The following LRRC28 variants were observed in gnomAD, a reference collection of about 807,000 sequenced individuals.
LRRC28 encodes leucine-rich repeat-containing protein 28.
In LRRC28, 39 loss-of-function variants were observed where a neutral mutation model predicts 45.7. The observed-to-expected ratio is 0.85, with a 90% confidence interval of 0.66 to 1.12. LRRC28 has a LOEUF of 1.12. LRRC28 is among the 50% of genes most tolerant of loss of function. The probability of loss-of-function intolerance (pLI) is 0.00; values close to 1 mark genes in which losing one functional copy is unlikely to be tolerated. For synonymous variants in LRRC28, 206 were observed against 178.8 expected (o/e 1.15, Z -1.22); for missense variants, 435 against 438.5 (o/e 0.99, Z 0.07).
At chr15:99,359,117 G>T (rs1449707385) in intron 7 of LRRC28, among the ~76,000 whole-genome samples, 1 of 151,846 alleles carries the variant, frequency 6.6e-6, no homozygotes, top group East Asian at 1.9e-4. Flanking sequence ...AAACATACTG[G>T]AAGAAACTTT....
chr15:99,278,313 A>G (rs935654017), intron 3 of LRRC28, among the ~76,000 whole-genome samples: 3 of 152,210 alleles, frequency 2.0e-5, no homozygotes, highest in Non-Finnish European at 4.4e-5. Context: ...CAGTGGCACA[A>G]TCTTGGCTCA....
intron 2 of LRRC28, among the ~76,000 whole-genome samples, chr15:99,262,335 A>T (rs2081221236): frequency 6.6e-6 from 1 of 152,102 alleles, no homozygotes; most frequent in Non-Finnish European, 1.5e-5. Flanking sequence ...TAATCCCAGC[A>T]TTTTGGGAGG....
chr15:99,255,593 G>T (rs1482184962), intron 1 of LRRC28, among the ~76,000 whole-genome samples: 1 of 152,052 alleles, frequency 6.6e-6, no homozygotes, highest in East Asian at 1.9e-4. Context: ...TGTATGTTAT[G>T]AAACTGGTCA....
intron 6 of LRRC28, among the ~76,000 whole-genome samples, chr15:99,342,611 T>C (rs577148651): frequency 6.6e-6 from 1 of 152,310 alleles, no homozygotes; most frequent in Admixed American, 6.5e-5. Flanking sequence ...GTGTAGGAAC[T>C]GTGTGTCTTC....
At chr15:99,297,298 G>C (rs1048072529) in intron 5 of LRRC28, 6 of 152,178 alleles carry the variant, frequency 3.9e-5, no homozygotes, top group African/African-American at 1.4e-4. Flanking sequence ...TGTCACCCAG[G>C]CTGGAGTGCA....
At chr15:99,265,497 G>A (rs913038878) in intron 2 of LRRC28, among the ~76,000 whole-genome samples, 1 of 152,202 alleles carries the variant, frequency 6.6e-6, no homozygotes, top group Admixed American at 6.5e-5. Context: ...AGAAGTTTCT[G>A]ATGATGACAC....
intron 5 of LRRC28, among the ~76,000 whole-genome samples, chr15:99,328,931 T>C (rs576079334): frequency 2.6e-5 from 4 of 151,842 alleles, no homozygotes; most frequent in East Asian, 3.9e-4. Flanking sequence ...ACTGTAGATA[T>C]CCCAGCGTTC....
At position 99,361,346 on chromosome 15, in the gene LRRC28, C is replaced by T. The variant is rs1445669194; in HGVS notation, c.706C>T (p.Pro236Ser). The change falls in exon 8 of 10, where the codon CCC becomes TCC. Residue 236 changes from proline (P) to serine (S), a missense_variant. Transcript: ENST00000301981. ...TGTGTCTTTCTGCAGCTGTGGTGCT[C>T]CCATTCAAGTTTCCGAGGTGAAGCT... is the stretch of plus-strand genomic sequence containing the variant. ...KVIGCSGCGA[P>S]IQVSEVKLLS... 1.9e-6 allele frequency: 3 copies of T among 1,612,424 alleles called. No homozygotes were observed. Among genetic ancestry groups the T allele is most frequent in the Non-Finnish European group, 2.5e-6 (3 of 1,179,438 alleles).
intron 5 of LRRC28, among the ~76,000 whole-genome samples, chr15:99,300,326 ATTTTTATCTATTT>A (rs2082364574): frequency 6.7e-6 from 1 of 149,084 alleles, no homozygotes. Flanking sequence ...AAGTCTTAGA[ATTTTTATCTATTT>A]TTACCTAGTT....
chr15:99,327,389 T>C (rs904474693), intron 5 of LRRC28, among the ~76,000 whole-genome samples: 1 of 152,212 alleles, frequency 6.6e-6, no homozygotes, highest in Non-Finnish European at 1.5e-5. Context: ...TTTTTTAACT[T>C]GTGATACATC....
At chr15:99,310,988 G>A (rs575692457) in intron 5 of LRRC28, among the ~76,000 whole-genome samples, 7 of 152,294 alleles carry the variant, frequency 4.6e-5, no homozygotes, top group Admixed American at 3.9e-4. Context: ...AAAAACCACA[G>A]TGAGTAATGC....
intron 6 of LRRC28, among the ~76,000 whole-genome samples, chr15:99,342,290 C>T (rs1224435484): frequency 6.6e-6 from 1 of 152,172 alleles, no homozygotes; most frequent in African/African-American, 2.4e-5. Context: ...GGGAATCCTG[C>T]TAGGTAGTAC....
intron 2 of LRRC28, chr15:99,259,783 G>A: frequency 2.6e-6 from 3 of 1,146,312 alleles, no homozygotes; most frequent in Non-Finnish European, 4.0e-6. Flanking sequence ...CAGCAATGCA[G>A]CAGTGATTCG....
At chr15:99,300,118 T>G (rs897141399) in intron 5 of LRRC28, among the ~76,000 whole-genome samples, 3 of 123,088 alleles carry the variant, frequency 2.4e-5, no homozygotes, top group Non-Finnish European at 3.5e-5. Context: ...TGACTTAGTG[T>G]TTTTTTTTCT....
At chr15:99,314,903 G>A (rs1264181533) in intron 5 of LRRC28, among the ~76,000 whole-genome samples, 1 of 152,122 alleles carries the variant, frequency 6.6e-6, no homozygotes, top group Non-Finnish European at 1.5e-5. Context: ...CTTCATTCTT[G>A]CAGATTCATA....
intron 1 of LRRC28, among the ~76,000 whole-genome samples, chr15:99,252,761 A>G (rs1395286624): frequency 1.3e-5 from 2 of 152,218 alleles, no homozygotes; most frequent in South Asian, 2.1e-4. Context: ...TAGAAGGCCT[A>G]CTTTAAAATT....
rs116570002 is a variant in LRRC28, at chr15:99,365,119, C to T, written c.1031+1854C>T. 8.0e-4 allele frequency among the ~76,000 whole-genome samples: 122 copies of T among 152,188 alleles called. 1 individual carries two copies. The highest frequency in any genetic ancestry group is 2.6e-3 in the African/African-American group (107 of 41,526). On this transcript the variant is annotated intron_variant, in intron 9 of 9. Coordinates refer to ENST00000301981, the MANE Select transcript of LRRC28 (RefSeq NM_144598.5). ...TTTTTTAATCTTGGCAATTCATTTA[C>T]GAAAATAAAGTAGATCCTTCAAATC... is the stretch of plus-strand genomic sequence containing the variant.
intron 5 of LRRC28, among the ~76,000 whole-genome samples, chr15:99,306,422 T>G (rs1054699782): frequency 5.3e-5 from 8 of 152,362 alleles, no homozygotes; most frequent in African/African-American, 1.7e-4. Context: ...TAAAGTCAGT[T>G]TTGTTTAAAC....
intron 1 of LRRC28, 139 bp from the exon 2 acceptor site, chr15:99,255,759 G>T: frequency 2.2e-6 from 1 of 444,758 alleles, no homozygotes. Flanking sequence ...GACAGTTTTA[G>T]TTTTGAAAGT....
Sources: gnomAD v4.1 joint callset for allele counts (sites outside exome capture counted in the v4.1 genomes callset) on GRCh38, gnomAD v4.1.1 for gene constraint, MANE v1.5 for transcripts, NCBI Gene and HGNC (gene_info 2026-07-23, HGNC 2026-07-21) for gene names.